The following ATP10A variants were observed in gnomAD, a reference collection of about 807,000 sequenced individuals.
ATP10A encodes the protein phospholipid-transporting ATPase VA.
A neutral mutation model predicts 147.8 loss-of-function variants in ATP10A; 111 were observed. The ratio of observed to expected loss-of-function variants is 0.75; its 90% CI spans 0.64 to 0.88. ATP10A has a LOEUF of 0.88. ATP10A is among the 40% of genes least tolerant of loss of function. The pLI, the probability that ATP10A is intolerant of heterozygous loss-of-function variation, is 0.00. For missense variants in ATP10A, 1,927 were observed against 1,959.0 expected (o/e 0.98, Z 0.31); for synonymous variants, 875 against 841.6 (o/e 1.04, Z -0.69).
intron 1 of ATP10A, among the ~76,000 whole-genome samples, chr15:25,823,377 A>T (rs1891969707): frequency 6.6e-6 from 1 of 152,196 alleles, no homozygotes. Context: ...GAGTTATATT[A>T]CACCCATTTA....
At chr15:25,718,060 AG>A (rs138645194) in intron 8 of ATP10A, 121 bp downstream of exon 8, 18,944 of 1,078,800 alleles carry the variant, frequency 0.018, 619 homozygotes, top group East Asian at 0.13. Context: ...TGCTGAGTAG[AG>A]CCAAGCCGCC....
Position 25,695,058 on chromosome 15 carries a change from A to T in ATP10A, c.2849T>A (p.Val950Glu). The T allele has an allele frequency of 6.2e-7, 1 of 1,614,150 alleles. No individual in the cohort carries two copies. Residue 950 changes from valine (V) to glutamate (E), a missense_variant, in exon 14 of 21, where the codon GTG becomes GAG. By Grantham distance (121) the Val-to-Glu change is moderately radical (BLOSUM62 -2). Transcript: ENST00000555815. ...QRAPEKTKGK[V>E]SMRFSSLCPP... is the part of the protein sequence containing the mutation. ...GCAGAGAGAGGAGAACCTCATGCTC[A>T]CTTTGCCCTTGGTCTTCTCAGGGGC...
intron 10 of ATP10A, among the ~76,000 whole-genome samples, 192 bp downstream of exon 10, chr15:25,713,482 T>C (rs1056571794): frequency 1.3e-5 from 2 of 152,208 alleles, no homozygotes; most frequent in African/African-American, 4.8e-5. Context: ...GGAAGTCCCC[T>C]GAATACTTCC....
intron 2 of ATP10A, among the ~76,000 whole-genome samples, chr15:25,762,219 G>C (rs1596835890): frequency 6.6e-6 from 1 of 152,118 alleles, no homozygotes; most frequent in East Asian, 1.9e-4. Flanking sequence ...AGTTTCAAGA[G>C]GCCTCCCCGG....
At chr15:25,719,061 C>T (rs1051942992) in intron 7 of ATP10A, among the ~76,000 whole-genome samples, 1 of 152,190 alleles carries the variant, frequency 6.6e-6, no homozygotes, top group African/African-American at 2.4e-5. Flanking sequence ...TCTTGCTAAC[C>T]CATGGCTCTG....
In ATP10A at chr15:25,714,332, G is replaced by A. The variant is rs530547835; in HGVS notation, c.1777-91C>T. On this transcript the variant is annotated intron_variant, in intron 9 of 20. Coordinates refer to ENST00000555815, the MANE Select transcript of ATP10A (RefSeq NM_024490.4). ...TTCCCACAGGATGCTCCAGGCACTT[G>A]GAGGAACAATGACCTCGCTTCCCCA... The A allele has an allele frequency of 9.8e-5, 121 of 1,230,114 alleles. No individual in the cohort carries two copies. The African/African-American group carries it at 1.4e-3, about 14-fold the overall frequency. 76.2% of individuals were successfully genotyped at this position (1,230,114 alleles called of 1,614,324 possible). A position where few individuals can be genotyped will look rare whatever the true frequency, so the allele number is the denominator to read the frequency against.
intron 17 of ATP10A, 96 bp downstream of exon 17, chr15:25,683,190 C>A: frequency 1.7e-6 from 2 of 1,154,642 alleles, no homozygotes; most frequent in African/African-American, 1.5e-5. Context: ...TCCAGGGTGT[C>A]CATCTGAAGG....
At chr15:25,688,204 G>A (rs181968407) in intron 15 of ATP10A, among the ~76,000 whole-genome samples, 7 of 152,150 alleles carry the variant, frequency 4.6e-5, no homozygotes, top group East Asian at 3.9e-4. Context: ...CCTCTAAATC[G>A]GTCCATGGTC....
intron 4 of ATP10A, 145 bp from the exon 5 acceptor site, chr15:25,726,227 T>A: frequency 1.2e-6 from 1 of 809,066 alleles, no homozygotes; most frequent in Non-Finnish European, 1.9e-6. Context: ...TTAAAATTAA[T>A]CTTACTTCCT....
chr15:25,702,108 A>G lies in ATP10A; in HGVS notation c.2576-8T>C, dbSNP rs539669395. 8.7e-6 allele frequency: 14 copies of G among 1,608,330 alleles called. No homozygotes were observed. In the South Asian group the frequency reaches 1.3e-4, roughly 15 times the overall value. The stretch of plus-strand genomic sequence containing the variant: ...CTTCAATCCCAGTGGCACCTGGTCA[A>G]ATGCACAGCAGTGTGAGCGAACCCG... On this transcript the variant is annotated splice_region_variant and splice_polypyrimidine_tract_variant and intron_variant, in intron 12 of 20. Transcript: ENST00000555815.
intron 1 of ATP10A, among the ~76,000 whole-genome samples, chr15:25,798,524 G>T (rs1010900308): frequency 6.6e-6 from 1 of 152,186 alleles, no homozygotes; most frequent in Non-Finnish European, 1.5e-5. Flanking sequence ...GATGTTGTGT[G>T]TAATTAAATG....
At chr15:25,680,017 G>A (rs1899308450) in intron 20 of ATP10A, 43 bp from the exon 21 acceptor site, 12 of 1,581,678 alleles carry the variant, frequency 7.6e-6, no homozygotes, top group Middle Eastern at 1.8e-4. Flanking sequence ...TATTCCTGTC[G>A]GTGGTGTCTT....
intron 2 of ATP10A, among the ~76,000 whole-genome samples, chr15:25,764,089 C>T (rs1467832747): frequency 6.6e-6 from 1 of 152,274 alleles, no homozygotes; most frequent in South Asian, 2.1e-4. Flanking sequence ...GCACATGAAT[C>T]CCCCAGGATC....
chr15:25,809,442 G>A (rs1891335531), intron 1 of ATP10A, among the ~76,000 whole-genome samples: 1 of 152,140 alleles, frequency 6.6e-6, no homozygotes, highest in South Asian at 2.1e-4. Context: ...ATCAAATGGA[G>A]TATCAAACCT....
intron 12 of ATP10A, among the ~76,000 whole-genome samples, chr15:25,702,915 G>T (rs1036438322): frequency 6.6e-6 from 1 of 152,090 alleles, no homozygotes; most frequent in African/African-American, 2.4e-5. Flanking sequence ...ATGCTGCTAT[G>T]GACTGAGCGT....
At position 25,708,097 on chromosome 15, in the gene ATP10A, C is replaced by G. The variant is rs888035172; in HGVS notation, c.2454G>C (p.Leu818=). ...ACCAGCAGGCATACTCTTCTTTACT[C>G]AGAACCTATGGGAGATACATTGTTG... ...LRTLCIAKRV[L]SKEEYACWLQ... is the part of the protein sequence containing the mutation. The change falls in exon 12 of 21, where the codon CTG becomes CTC. Residue 818 remains leucine (L), a synonymous_variant. Coordinates refer to ENST00000555815, the MANE Select transcript of ATP10A (RefSeq NM_024490.4). 1.1e-5 allele frequency: 18 copies of G among 1,613,960 alleles called. No homozygotes were observed. Among genetic ancestry groups the G allele is most frequent in the Non-Finnish European group, 1.4e-5 (16 of 1,179,978 alleles).
chr15:25,818,145 T>TA (rs1449675029), intron 1 of ATP10A, among the ~76,000 whole-genome samples: 83 of 152,076 alleles, frequency 5.5e-4, no homozygotes, highest in Admixed American at 5.0e-3. Flanking sequence ...ACTAATATAT[T>TA]AAAAAAACCT....
chr15:25,758,763 ATCAC>A, intron 2 of ATP10A, among the ~76,000 whole-genome samples: 1 of 126,078 alleles, frequency 7.9e-6, no homozygotes, highest in Non-Finnish European at 1.6e-5. Context: ...ACTCATTCCG[ATCAC>A]CTGCTCCACC....
At chr15:25,837,514 G>A (rs1022474227) in intron 1 of ATP10A, among the ~76,000 whole-genome samples, 1 of 152,148 alleles carries the variant, frequency 6.6e-6, no homozygotes, top group Non-Finnish European at 1.5e-5. Context: ...ATGCGGAGAC[G>A]GTAGTCACAG....
Sources: allele counts gnomAD v4.1 joint callset (sites outside exome capture counted in the v4.1 genomes callset), GRCh38; gene constraint gnomAD v4.1.1; transcripts MANE v1.5; gene names NCBI Gene and HGNC (gene_info 2026-07-23, HGNC 2026-07-21).